The following RAPGEF2 variants were observed in gnomAD, a reference collection of about 807,000 sequenced individuals.
RAPGEF2 encodes Rap guanine nucleotide exchange factor 2.
RAPGEF2 carries 54 observed loss-of-function variants against 186.7 expected under a neutral mutation model. That is an observed-to-expected ratio of 0.29 (90% CI 0.23 to 0.36). The LOEUF is 0.36. Ranked by LOEUF, RAPGEF2 falls within the 10% of genes least tolerant of loss-of-function variation. The pLI is 1.00. For missense variants in RAPGEF2, 1,532 were observed against 2,045.0 expected, an observed-to-expected ratio of 0.75 and a Z score of 4.84; for synonymous variants, 712 against 705.9, an observed-to-expected ratio of 1.01 and a Z score of -0.14.
In RAPGEF2 at chr4:159,339,253, T is replaced by C; in HGVS notation, c.2433T>C (p.Tyr811=). The change falls in exon 19 of 30, where the codon TAT becomes TAC. Residue 811 remains tyrosine (Y), a synonymous_variant. Transcript: ENST00000691494. ...CTGTTACTGCCACCCCGGATCAATA[T>C]TCACTATGTGAGGTCTCTGTCACAC... ...EFAVTATPDQ[Y]SLCEVSVTPE... is the part of the protein sequence containing the mutation. 1 of 1,614,162 alleles carries C rather than the reference T, an allele frequency of 6.2e-7. No homozygotes were observed.
intron 28 of RAPGEF2, among the ~76,000 whole-genome samples, 166 bp downstream of exon 28, chr4:159,354,212 T>G (rs1445973030): frequency 6.6e-6 from 1 of 152,198 alleles, no homozygotes. Flanking sequence ...TCAATAGTGG[T>G]TAAGAGCCCA....
intron 1 of RAPGEF2, among the ~76,000 whole-genome samples, chr4:159,139,245 C>CAAT (rs1218392426): frequency 6.6e-6 from 1 of 152,080 alleles, no homozygotes; most frequent in Non-Finnish European, 1.5e-5. Flanking sequence ...AGAATTCATA[C>CAAT]AATAGCATGG....
At chr4:159,250,427 A>G (rs1755174822) in intron 7 of RAPGEF2, among the ~76,000 whole-genome samples, 1 of 152,212 alleles carries the variant, frequency 6.6e-6, no homozygotes, top group Non-Finnish European at 1.5e-5. Flanking sequence ...AGTGGACCAA[A>G]TCTGTAATAT....
At chr4:159,264,444 G>T (rs981969223) in intron 7 of RAPGEF2, among the ~76,000 whole-genome samples, 1 of 152,182 alleles carries the variant, frequency 6.6e-6, no homozygotes, top group Non-Finnish European at 1.5e-5. Flanking sequence ...GATACCATCA[G>T]CATGGGGGTA....
chr4:159,352,433 C>G, intron 26 of RAPGEF2: 1 of 412,558 alleles, frequency 2.4e-6, no homozygotes, highest in Non-Finnish European at 4.4e-6. Context: ...TGAGTGGTGC[C>G]TTTTCTGCAT....
intron 1 of RAPGEF2, among the ~76,000 whole-genome samples, chr4:159,106,830 G>C (rs1737941637): frequency 6.6e-6 from 1 of 152,128 alleles, no homozygotes; most frequent in Admixed American, 6.5e-5. Context: ...TGATGTCATT[G>C]GTGTAACCTA....
chr4:159,116,785 T>TAA (rs1453159333), intron 1 of RAPGEF2, among the ~76,000 whole-genome samples: 1 of 152,148 alleles, frequency 6.6e-6, no homozygotes, highest in Non-Finnish European at 1.5e-5. Context: ...TTATCCTCAG[T>TAA]AAACTAACAC....
chr4:159,138,884 A>C (rs1310423545), intron 1 of RAPGEF2, among the ~76,000 whole-genome samples: 1 of 152,224 alleles, frequency 6.6e-6, no homozygotes, highest in Non-Finnish European at 1.5e-5. Flanking sequence ...CACTGAAAGG[A>C]TACCCAACTT....
intron 1 of RAPGEF2, among the ~76,000 whole-genome samples, chr4:159,109,664 G>C (rs1738278803): frequency 6.6e-6 from 1 of 152,206 alleles, no homozygotes; most frequent in South Asian, 2.1e-4. Flanking sequence ...CATGAGTGCT[G>C]TAACAGCTAT....
intron 2 of RAPGEF2, among the ~76,000 whole-genome samples, chr4:159,190,686 A>C (rs1329876514): frequency 1.3e-5 from 2 of 152,194 alleles, no homozygotes; most frequent in African/African-American, 4.8e-5. Flanking sequence ...CTTTTTTCAC[A>C]AGTGGCAGGA....
intron 7 of RAPGEF2, among the ~76,000 whole-genome samples, chr4:159,275,415 A>G (rs1019703374): frequency 5.3e-5 from 8 of 152,266 alleles, no homozygotes; most frequent in African/African-American, 1.2e-4. Context: ...AGAGAAATAC[A>G]TTATTGGTTT....
chr4:159,141,229 A>C (rs909319925), intron 1 of RAPGEF2, among the ~76,000 whole-genome samples: 4 of 152,328 alleles, frequency 2.6e-5, no homozygotes, highest in African/African-American at 9.6e-5. Flanking sequence ...TTGAATAAAA[A>C]TTTTTATAAT....
intron 1 of RAPGEF2, among the ~76,000 whole-genome samples, chr4:159,174,493 GT>G (rs889962166): frequency 3.3e-5 from 5 of 152,152 alleles, no homozygotes; most frequent in African/African-American, 1.2e-4. Context: ...GTGTTTTGTT[GT>G]AATTTACAAG....
intron 7 of RAPGEF2, among the ~76,000 whole-genome samples, chr4:159,288,066 T>G (rs1760739322): frequency 6.6e-6 from 1 of 152,230 alleles, no homozygotes; most frequent in Admixed American, 6.5e-5. Flanking sequence ...TAAACTGAAC[T>G]ACTAAGAATT....
intron 1 of RAPGEF2, among the ~76,000 whole-genome samples, chr4:159,143,734 C>T (rs1424753236): frequency 2.0e-5 from 3 of 152,034 alleles, no homozygotes; most frequent in East Asian, 1.9e-4. Context: ...GTGTTTCTGG[C>T]GTTTTTTGAA....
chr4:159,230,060 G>GT (rs1752465994), intron 4 of RAPGEF2, among the ~76,000 whole-genome samples: 1 of 152,126 alleles, frequency 6.6e-6, no homozygotes, highest in Admixed American at 6.6e-5. Context: ...GGTGTACAGC[G>GT]TATTTATACA....
At chr4:159,238,763 A>T in intron 4 of RAPGEF2, 46 bp from the exon 5 acceptor site, 1 of 1,416,724 alleles carries the variant, frequency 7.1e-7, no homozygotes, top group Non-Finnish European at 9.4e-7. Context: ...ATACTACTTA[A>T]ATCTCTGAGG....
chr4:159,273,482 TA>T lies in RAPGEF2; in HGVS notation c.543+29697del, dbSNP rs1356407332. Among the ~76,000 whole-genome samples the T allele has an allele frequency of 3.3e-5, 5 of 150,120 alleles. No individual in the cohort carries two copies. In the Admixed American group the frequency reaches 3.4e-4, roughly 10 times the overall value. ...TTAAATATTTTTAGTAATGATCCAT[TA>T]AAAAATCTGTTGGAAAATAAAATCA... On this transcript the variant is annotated intron_variant, in intron 7 of 29. Coordinates refer to ENST00000691494, the MANE Select transcript of RAPGEF2 (RefSeq NM_001394067.2).
intron 25 of RAPGEF2, among the ~76,000 whole-genome samples, chr4:159,348,774 G>A (rs1442364897): frequency 1.3e-5 from 2 of 152,034 alleles, no homozygotes; most frequent in Non-Finnish European, 2.9e-5. Flanking sequence ...CTCTCAAAAT[G>A]TCTTTAGTTC....
Sources: allele counts gnomAD v4.1 joint callset (sites outside exome capture counted in the v4.1 genomes callset), GRCh38; gene constraint gnomAD v4.1.1; transcripts MANE v1.5; gene names NCBI Gene and HGNC (gene_info 2026-07-23, HGNC 2026-07-21).